Variants in L3MBTL4 observed in about 807,000 individuals in gnomAD.
L3MBTL4 encodes L3MBTL histone methyl-lysine binding protein 4.
L3MBTL4 carries 70 observed loss-of-function variants against 84.5 expected under a neutral mutation model. That is an observed-to-expected ratio of 0.83 (90% CI 0.68 to 1.01). The LOEUF is 1.01. Ranked by LOEUF, L3MBTL4 falls within the 50% of genes least tolerant of loss-of-function variation. The pLI is 0.00. For synonymous variants in L3MBTL4, 274 were observed against 259.8 expected (o/e 1.05, Z -0.52); for missense variants, 715 against 754.8 (o/e 0.95, Z 0.62).
intron 1 of L3MBTL4, among the ~76,000 whole-genome samples, chr18:6,346,698 T>A (rs1441694946): frequency 6.6e-6 from 1 of 151,976 alleles, no homozygotes; most frequent in Non-Finnish European, 1.5e-5. Flanking sequence ...AAATAATAAA[T>A]ATTGGCAAAT....
At chr18:5,968,379 T>TG (rs2052456543) in intron 17 of L3MBTL4, among the ~76,000 whole-genome samples, 2 of 152,178 alleles carry the variant, frequency 1.3e-5, no homozygotes, top group African/African-American at 4.8e-5. Flanking sequence ...TGTAAAGCAA[T>TG]GGGGCTTAAC....
intron 10 of L3MBTL4, among the ~76,000 whole-genome samples, chr18:6,227,435 T>C (rs2046824449): frequency 1.3e-5 from 2 of 152,232 alleles, no homozygotes; most frequent in African/African-American, 4.8e-5. Context: ...CAAAGTACAT[T>C]GTTTGATAAC....
chr18:6,186,382 T>C (rs111997560), intron 12 of L3MBTL4, among the ~76,000 whole-genome samples: 3,091 of 151,494 alleles, frequency 0.02, 109 homozygotes, highest in African/African-American at 0.071. Flanking sequence ...CATGAGGAAG[T>C]GAGCAAAGAA....
intron 16 of L3MBTL4, among the ~76,000 whole-genome samples, chr18:6,073,987 T>G (rs1324891252): frequency 6.6e-6 from 1 of 152,228 alleles, no homozygotes; most frequent in Non-Finnish European, 1.5e-5. Flanking sequence ...TTAGATTCAC[T>G]TCTAACATTT....
At chr18:6,138,680 T>C (rs1479602582) in intron 13 of L3MBTL4, among the ~76,000 whole-genome samples, 1 of 152,100 alleles carries the variant, frequency 6.6e-6, no homozygotes, top group Admixed American at 6.5e-5. Context: ...GCCTCCTGAG[T>C]AGCTGGAATT....
chr18:6,258,929 T>A (rs1183212634), intron 5 of L3MBTL4: 1 of 152,198 alleles, frequency 6.6e-6, no homozygotes, highest in African/African-American at 2.4e-5. Context: ...TACGACTGCA[T>A]AAATCACCAA....
chr18:6,413,739 G>A (rs1204413788), intron 1 of L3MBTL4, among the ~76,000 whole-genome samples: 2 of 152,220 alleles, frequency 1.3e-5, no homozygotes, highest in African/African-American at 4.8e-5. Context: ...CGAGTCTTCA[G>A]CATGGGAATG....
chr18:5,964,358 C>T (rs965989153), intron 17 of L3MBTL4, among the ~76,000 whole-genome samples: 3 of 152,176 alleles, frequency 2.0e-5, no homozygotes, highest in African/African-American at 4.8e-5. Context: ...CATGTTCTTC[C>T]GTGGGGCTGC....
intron 14 of L3MBTL4, among the ~76,000 whole-genome samples, chr18:6,097,751 TG>T (rs2058688140): frequency 6.6e-6 from 1 of 152,226 alleles, no homozygotes; most frequent in South Asian, 2.1e-4. Context: ...GCATCCACTT[TG>T]ATCCCTGTTT....
chr18:5,987,914 T>C (rs1450834604), intron 16 of L3MBTL4, among the ~76,000 whole-genome samples: 2 of 152,074 alleles, frequency 1.3e-5, no homozygotes, highest in Non-Finnish European at 2.9e-5. Context: ...TGGAAGAAAA[T>C]TTTGCATTAG....
intron 4 of L3MBTL4, among the ~76,000 whole-genome samples, chr18:6,296,173 T>C (rs2050102365): frequency 6.6e-6 from 1 of 152,210 alleles, no homozygotes; most frequent in Non-Finnish European, 1.5e-5. Context: ...GACTCCAGGA[T>C]ACTATTCAAG....
At chr18:6,218,186 A>G (rs113725932) in intron 10 of L3MBTL4, among the ~76,000 whole-genome samples, 5,344 of 152,276 alleles carry the variant, frequency 0.035, 322 homozygotes, top group African/African-American at 0.12. Flanking sequence ...ACACAGTCAT[A>G]GAGGACTGCA....
chr18:6,241,342 G>A lies in L3MBTL4; in HGVS notation c.552+16C>T, dbSNP rs1473254072. The A allele has an allele frequency of 3.5e-6, 5 of 1,434,662 alleles. No individual in the cohort carries two copies. In the Admixed American group the frequency reaches 9.2e-5, roughly 26 times the overall value. The allele number at this position is 1,434,662 out of a possible 1,614,324, so 88.9% of individuals were successfully genotyped here. On this transcript the variant is annotated intron_variant, in intron 8 of 18. Coordinates refer to ENST00000317931, the MANE Select transcript of L3MBTL4 (RefSeq NM_001330559.2). The stretch of plus-strand genomic sequence containing the variant: ...TTGGGGGAAATTTGATTTATGCTGG[G>A]AAAGAAAATACTTACAGGACTTCTG...
chr18:6,168,479 G>C (rs914274680), intron 13 of L3MBTL4, among the ~76,000 whole-genome samples: 6 of 152,046 alleles, frequency 3.9e-5, no homozygotes, highest in Non-Finnish European at 8.8e-5. Flanking sequence ...CCAAAACAGA[G>C]ATACAGACCA....
intron 14 of L3MBTL4, among the ~76,000 whole-genome samples, chr18:6,126,094 T>C (rs149434901): frequency 1.6e-3 from 246 of 152,302 alleles, no homozygotes; most frequent in African/African-American, 5.4e-3. Context: ...ATATTCTGTC[T>C]GATTCTACCC....
intron 3 of L3MBTL4, among the ~76,000 whole-genome samples, chr18:6,305,629 A>T (rs1326286923): frequency 6.6e-6 from 1 of 152,252 alleles, no homozygotes; most frequent in Non-Finnish European, 1.5e-5. Context: ...AGAAAAAAAT[A>T]GCGTTCTGAA....
intron 14 of L3MBTL4, among the ~76,000 whole-genome samples, chr18:6,119,596 C>T (rs927297430): frequency 1.3e-5 from 2 of 152,118 alleles, no homozygotes; most frequent in African/African-American, 4.8e-5. Flanking sequence ...TTTTATTCCT[C>T]CTAAGATTTT....
At chr18:6,012,357 T>C (rs1036957147) in intron 16 of L3MBTL4, among the ~76,000 whole-genome samples, 1 of 151,950 alleles carries the variant, frequency 6.6e-6, no homozygotes, top group African/African-American at 2.4e-5. Flanking sequence ...AACAAGCAAA[T>C]CGACAAAAAG....
At chr18:5,982,527 A>G (rs975029263) in intron 16 of L3MBTL4, among the ~76,000 whole-genome samples, 1 of 152,186 alleles carries the variant, frequency 6.6e-6, no homozygotes, top group Non-Finnish European at 1.5e-5. Flanking sequence ...GAAACCACAG[A>G]CAGAGCCACT....
Sources: gnomAD v4.1 joint callset for allele counts (sites outside exome capture counted in the v4.1 genomes callset) on GRCh38, gnomAD v4.1.1 for gene constraint, MANE v1.5 for transcripts, NCBI Gene and HGNC (gene_info 2026-07-23, HGNC 2026-07-21) for gene names.